CDK17: variants seen among roughly 807,000 people sequenced by gnomAD.
CDK17 encodes the protein cyclin-dependent kinase 17.
Under a neutral mutation model 77.6 loss-of-function variants are expected in CDK17, and 24 were observed. The ratio of observed to expected loss-of-function variants is 0.31; its 90% CI spans 0.22 to 0.44. The LOEUF (loss-of-function observed/expected upper bound fraction) is 0.44. Among genes scored for constraint, CDK17 ranks in the 20% least tolerant of loss-of-function variants. CDK17 has a pLI of 1.00. For missense variants in CDK17, 429 were observed against 622.5 expected (o/e 0.69, Z 3.31); for synonymous variants, 203 against 210.4 (o/e 0.96, Z 0.30).
At chr12:96,393,674 CAAG>C (rs1198741735) in intron 1 of CDK17, among the ~76,000 whole-genome samples, 2 of 152,030 alleles carry the variant, frequency 1.3e-5, no homozygotes, top group African/African-American at 2.4e-5. Flanking sequence ...ATCAAGGCTA[CAAG>C]AAGCAGTGAT....
Position 96,323,988 on chromosome 12 carries a change from AAGGCTCCCTCC to A in CDK17, c.232_242del (p.Gly78TrpfsTer18), listed in dbSNP as rs748206008. 6.2e-7 allele frequency: 1 copy of A among 1,605,288 alleles called. No homozygotes were observed. Among genetic ancestry groups the A allele is most frequent in the African/African-American group, 1.3e-5 (1 of 74,756 alleles). On this transcript the variant is annotated frameshift_variant, in exon 3 of 17. Coordinates refer to ENST00000261211, the MANE Select transcript of CDK17 (RefSeq NM_002595.5). LOFTEE classifies it high-confidence loss of function. ...TTCTGGGCATTGCCATGAAGGAGCC[AAGGCTCCCTCC>A]AATAACACTGTGTGGTCTCCGCAAT...
intron 1 of CDK17, among the ~76,000 whole-genome samples, chr12:96,357,070 T>C (rs1449606039): frequency 6.6e-6 from 1 of 152,154 alleles, no homozygotes; most frequent in Non-Finnish European, 1.5e-5. Flanking sequence ...ATAATGGTCT[T>C]ACTCAGAATA....
chr12:96,391,313 A>T (rs1954064429), intron 1 of CDK17, among the ~76,000 whole-genome samples: 2 of 149,928 alleles, frequency 1.3e-5, no homozygotes. Flanking sequence ...TTTTTGAAAC[A>T]GAGTCTCACT....
chr12:96,400,031 C>T lies in CDK17; in HGVS notation c.-75G>A. ...GGTCCCGAGGCGAGGCGAAGAGAGG[C>T]GCGGGGGGAAGCTGCTCCGCGGACG... is the stretch of plus-strand genomic sequence containing the variant. On this transcript the variant is annotated 5_prime_UTR_variant, in exon 1 of 17. Coordinates refer to ENST00000261211, the MANE Select transcript of CDK17 (RefSeq NM_002595.5). 1 of 386,202 alleles carries T rather than the reference C, an allele frequency of 2.6e-6. No individual in the cohort carries two copies. The highest frequency in any genetic ancestry group is 4.6e-6 in the Non-Finnish European group (1 of 218,420). 23.9% of individuals were successfully genotyped at this position (386,202 alleles called of 1,614,324 possible).
chr12:96,280,825 G>T lies in CDK17; in HGVS notation c.1517C>A (p.Ser506Tyr), dbSNP rs761292224. The T allele has an allele frequency of 1.7e-5, 27 of 1,613,712 alleles. No individual in the cohort carries two copies. The highest frequency in any genetic ancestry group is 1.6e-4 in the South Asian group (15 of 91,050). The change falls in exon 16 of 17, where the codon TCT (serine) becomes TAT (tyrosine). Residue 506 changes from serine (S) to tyrosine (Y), a missense_variant. Ser to Tyr is a moderately radical substitution (Grantham distance 144). Transcript: ENST00000261211. ...QLQKDPGFRN[S>Y]SYPETGHGKN... is the part of the protein sequence containing the mutation. ...AAACACACCTGTCTCTGGATAAGAA[G>T]AATTTCGAAAACCCGGGTCCTTTTG...
chr12:96,280,734 A>C, intron 16 of CDK17, 74 bp downstream of exon 16: 10 of 1,580,962 alleles, frequency 6.3e-6, no homozygotes, highest in Non-Finnish European at 8.6e-6. Context: ...TTTACTGATC[A>C]ATTTATAAAC....
intron 1 of CDK17, among the ~76,000 whole-genome samples, chr12:96,352,346 C>G (rs554259385): frequency 2.0e-5 from 3 of 151,916 alleles, no homozygotes; most frequent in South Asian, 2.1e-4. Flanking sequence ...GTTCAGTGCT[C>G]TCTCCAGAGG....
intron 2 of CDK17, among the ~76,000 whole-genome samples, chr12:96,333,123 T>C (rs1952994438): frequency 6.6e-6 from 1 of 151,696 alleles, no homozygotes. Context: ...GTAGGCACAC[T>C]GCGCTTCCCA....
intron 1 of CDK17, among the ~76,000 whole-genome samples, chr12:96,373,287 T>G (rs1450567081): frequency 6.6e-6 from 1 of 152,168 alleles, no homozygotes; most frequent in East Asian, 1.9e-4. Context: ...AGTTTTCTCT[T>G]CAGAGAAGGC....
chr12:96,399,220 A>C (rs1565852534), intron 1 of CDK17: 1 of 152,360 alleles, frequency 6.6e-6, no homozygotes, highest in Non-Finnish European at 1.5e-5. Context: ...GAGCAAAAGC[A>C]TCGGGCATAG....
At chr12:96,398,835 G>C (rs934676657) in intron 1 of CDK17, among the ~76,000 whole-genome samples, 7 of 152,304 alleles carry the variant, frequency 4.6e-5, no homozygotes, top group Non-Finnish European at 1.0e-4. Context: ...ACGAAGAGGT[G>C]ATAGAACATG....
intron 1 of CDK17, among the ~76,000 whole-genome samples, chr12:96,375,403 G>T (rs985817709): frequency 1.3e-5 from 2 of 151,280 alleles, no homozygotes; most frequent in African/African-American, 4.9e-5. Flanking sequence ...TGTGGCCTAA[G>T]TCCTGGCACA....
At chr12:96,341,318 T>TACACACACAC (rs10656968) in intron 1 of CDK17, among the ~76,000 whole-genome samples, 263 of 148,794 alleles carry the variant, frequency 1.8e-3, no homozygotes, top group South Asian at 0.012. Flanking sequence ...ATCATATACA[T>TACACACACAC]ACACACACAC....
chr12:96,371,875 C>G (rs1193280679), intron 1 of CDK17, among the ~76,000 whole-genome samples: 1 of 152,092 alleles, frequency 6.6e-6, no homozygotes, highest in East Asian at 1.9e-4. Flanking sequence ...ACAAAATCAC[C>G]TACTTTCTAA....
At chr12:96,320,161 C>T (rs1034466045) in intron 3 of CDK17, among the ~76,000 whole-genome samples, 1 of 151,824 alleles carries the variant, frequency 6.6e-6, no homozygotes, top group African/African-American at 2.4e-5. Context: ...TATACACCAA[C>T]AACAGACAAA....
intron 1 of CDK17, among the ~76,000 whole-genome samples, chr12:96,344,749 A>C (rs1248355638): frequency 6.6e-6 from 1 of 152,194 alleles, no homozygotes; most frequent in Non-Finnish European, 1.5e-5. Context: ...GTAATTACAC[A>C]GGTAATTATA....
chr12:96,332,986 AGAG>A (rs2137140156), intron 2 of CDK17, among the ~76,000 whole-genome samples: 1 of 152,306 alleles, frequency 6.6e-6, no homozygotes, highest in South Asian at 2.1e-4. Flanking sequence ...CTTTAGGAAA[AGAG>A]GATTGTCTTG....
chr12:96,383,499 A>G (rs1408777463), intron 1 of CDK17, among the ~76,000 whole-genome samples: 1 of 152,200 alleles, frequency 6.6e-6, no homozygotes, highest in Non-Finnish European at 1.5e-5. Flanking sequence ...CAGAGGAATC[A>G]TACTACCCGA....
At chr12:96,358,812 T>C (rs2042327948) in intron 1 of CDK17, among the ~76,000 whole-genome samples, 1 of 151,504 alleles carries the variant, frequency 6.6e-6, no homozygotes, top group South Asian at 2.1e-4. Flanking sequence ...GTGACAAGAG[T>C]TGAGACTCGG....
Sources: allele counts gnomAD v4.1 joint callset (sites outside exome capture counted in the v4.1 genomes callset), GRCh38; gene constraint gnomAD v4.1.1; transcripts MANE v1.5; gene names NCBI Gene and HGNC (gene_info 2026-07-23, HGNC 2026-07-21).